Variants in ESF1 observed in about 807,000 individuals in gnomAD.
ESF1 encodes ESF1 homolog.
ESF1 carries 58 observed loss-of-function variants against 92.0 expected under a neutral mutation model. The observed-to-expected ratio is 0.63, with a 90% CI of 0.51 to 0.78. The LOEUF (loss-of-function observed/expected upper bound fraction) is 0.78, where lower values mean the gene tolerates loss of function less well. Among genes scored for constraint, ESF1 ranks in the 30% least tolerant of loss-of-function variants. The pLI is 0.00. For synonymous variants in ESF1, 321 were observed against 313.7 expected (o/e 1.02, Z -0.24); for missense variants, 922 against 989.1 (o/e 0.93, Z 0.91).
At chr20:13,778,653 G>T (rs1014515808) in intron 2 of ESF1, among the ~76,000 whole-genome samples, 3 of 151,972 alleles carry the variant, frequency 2.0e-5, no homozygotes, top group Non-Finnish European at 4.4e-5. Flanking sequence ...ACCACACTTT[G>T]GGTTATATAA....
chr20:13,748,563 TA>T (rs1978422314), intron 9 of ESF1, among the ~76,000 whole-genome samples: 6 of 39,402 alleles, frequency 1.5e-4, no homozygotes, highest in Non-Finnish European at 2.6e-4. Context: ...TATATATATA[TA>T]TGTGTGTGTG....
At chr20:13,744,491 C>T (rs1250501335) in intron 9 of ESF1, among the ~76,000 whole-genome samples, 1 of 152,194 alleles carries the variant, frequency 6.6e-6, no homozygotes, top group Non-Finnish European at 1.5e-5. Flanking sequence ...TCCCATCTCA[C>T]ACAGGGTGAA....
intron 2 of ESF1, among the ~76,000 whole-genome samples, chr20:13,781,654 G>C (rs1332304680): frequency 6.6e-6 from 1 of 152,202 alleles, no homozygotes; most frequent in African/African-American, 2.4e-5. Context: ...CTTCACCAAA[G>C]TGTGACCCCT....
intron 11 of ESF1, among the ~76,000 whole-genome samples, chr20:13,721,520 G>C (rs2049868011): frequency 6.6e-6 from 1 of 152,208 alleles, no homozygotes; most frequent in Non-Finnish European, 1.5e-5. Flanking sequence ...AAGCGAGGGA[G>C]GTGATATGTG....
At chr20:13,760,970 C>T (rs1490905204) in intron 8 of ESF1, among the ~76,000 whole-genome samples, 3 of 152,174 alleles carry the variant, frequency 2.0e-5, no homozygotes, top group African/African-American at 4.8e-5. Context: ...ACTGAGAAAT[C>T]GGATGGTTGC....
intron 8 of ESF1, among the ~76,000 whole-genome samples, chr20:13,764,753 A>G (rs573454265): frequency 1.1e-4 from 17 of 152,170 alleles, no homozygotes; most frequent in African/African-American, 3.9e-4. Flanking sequence ...TGTCATCATC[A>G]CACTGGGTAG....
intron 9 of ESF1, among the ~76,000 whole-genome samples, chr20:13,741,153 A>C (rs954439241): frequency 6.6e-6 from 1 of 152,028 alleles, no homozygotes; most frequent in African/African-American, 2.4e-5. Context: ...ACAATACATC[A>C]ATTCTTCTGC....
At chr20:13,760,440 G>A (rs1224383132) in intron 8 of ESF1, among the ~76,000 whole-genome samples, 11 of 144,100 alleles carry the variant, frequency 7.6e-5, no homozygotes, top group East Asian at 2.2e-4. Flanking sequence ...GCCTCTGCCC[G>A]GCCGCGACCC....
At chr20:13,741,962 A>G (rs770624871) in intron 9 of ESF1, among the ~76,000 whole-genome samples, 3 of 152,230 alleles carry the variant, frequency 2.0e-5, no homozygotes, top group African/African-American at 7.2e-5. Flanking sequence ...AAAAACATCT[A>G]TTAGTATTTC....
At chr20:13,767,924 T>C (rs1391021261) in intron 7 of ESF1, among the ~76,000 whole-genome samples, 1 of 152,190 alleles carries the variant, frequency 6.6e-6, no homozygotes, top group Non-Finnish European at 1.5e-5. Flanking sequence ...GATTCAGAAA[T>C]GATCCCTATT....
chr20:13,726,853 CAAA>C (rs1401551965), intron 11 of ESF1, among the ~76,000 whole-genome samples: 6 of 151,366 alleles, frequency 4.0e-5, no homozygotes, highest in Non-Finnish European at 8.8e-5. Context: ...CAAAACAAAA[CAAA>C]ACAAAACAAA....
At chr20:13,728,493 A>G in intron 10 of ESF1, 28 bp from the exon 11 acceptor site, 1 of 1,455,036 alleles carries the variant, frequency 6.9e-7, no homozygotes, top group Non-Finnish European at 9.4e-7. Flanking sequence ...AAAATACAAA[A>G]TTTCATTATT....
chr20:13,767,763 G>A (rs1979495086), intron 7 of ESF1, among the ~76,000 whole-genome samples: 2 of 152,148 alleles, frequency 1.3e-5, no homozygotes, highest in African/African-American at 4.8e-5. Context: ...TGACTGATGT[G>A]GTGATGACTG....
chr20:13,716,454 T>C (rs1360963220), intron 13 of ESF1, among the ~76,000 whole-genome samples: 1 of 152,030 alleles, frequency 6.6e-6, no homozygotes, highest in Non-Finnish European at 1.5e-5. Flanking sequence ...TACATGTGAT[T>C]CTAACATTAA....
intron 9 of ESF1, among the ~76,000 whole-genome samples, chr20:13,742,675 T>A (rs2050022866): frequency 6.6e-6 from 1 of 152,016 alleles, no homozygotes; most frequent in Non-Finnish European, 1.5e-5. Context: ...AGAAGTTAAA[T>A]GGATGACCTA....
At chr20:13,716,804 A>ATTTTTTGTTTTTTTTT (rs2049829998) in intron 13 of ESF1, among the ~76,000 whole-genome samples, 1 of 45,918 alleles carries the variant, frequency 2.2e-5, no homozygotes, top group Non-Finnish European at 4.0e-5. Flanking sequence ...CTATACCTGG[A>ATTTTTTGTTTTTTTTT]TTTTTTTTTT....
intron 9 of ESF1, among the ~76,000 whole-genome samples, chr20:13,747,084 A>G (rs2050054508): frequency 6.6e-6 from 1 of 152,146 alleles, no homozygotes. Flanking sequence ...AAAGGGATCA[A>G]GATTGTGGCT....
rs761048951 is a variant in ESF1, at chr20:13,783,117, CATT to C, written c.21_23del (p.Ile7del). 3.4e-5 allele frequency: 55 copies of C among 1,598,974 alleles called. No individual in the cohort carries two copies. The South Asian group carries it at 4.3e-4, about 13-fold the overall frequency. ...CAACCCGTCTAAACCGCTGGTCACT[CATT>C]ATTTCTTGTTTGGATGACATTTTTA... is the stretch of plus-strand genomic sequence containing the variant. On this transcript the variant is annotated inframe_deletion, in exon 2 of 14. Transcript: ENST00000617257.
At chr20:13,767,664 TAA>T (rs1381788909) in intron 7 of ESF1, among the ~76,000 whole-genome samples, 1 of 152,136 alleles carries the variant, frequency 6.6e-6, no homozygotes, top group Non-Finnish European at 1.5e-5. Context: ...GGGTCCATTT[TAA>T]AAAAAGATTA....
Sources: gnomAD v4.1 joint callset for allele counts (sites outside exome capture counted in the v4.1 genomes callset) on GRCh38, gnomAD v4.1.1 for gene constraint, MANE v1.5 for transcripts, NCBI Gene and HGNC (gene_info 2026-07-23, HGNC 2026-07-21) for gene names.